The following KIFAP3 variants were observed in gnomAD, a reference collection of about 807,000 sequenced individuals.
KIFAP3 encodes kinesin associated protein 3.
Under a neutral mutation model 106.5 loss-of-function variants are expected in KIFAP3, and 68 were observed. That is an observed-to-expected ratio of 0.64 (90% confidence interval 0.53 to 0.78). The LOEUF is 0.78. Ranked by LOEUF, KIFAP3 falls within the 30% of genes least tolerant of loss-of-function variation. KIFAP3 has a pLI of 0.00. For missense variants in KIFAP3, 780 were observed against 941.8 expected, an observed-to-expected ratio of 0.83 and a Z score of 2.25; for synonymous variants, 320 against 311.5, an observed-to-expected ratio of 1.03 and a Z score of -0.29.
chr1:169,989,714 G>A (rs560249724), intron 11 of KIFAP3, among the ~76,000 whole-genome samples: 68 of 152,046 alleles, frequency 4.5e-4, no homozygotes, highest in African/African-American at 1.4e-3. Context: ...ATAAACAAGC[G>A]TAATTAGTTT....
chr1:170,061,934 G>A (rs1468543256), intron 1 of KIFAP3, among the ~76,000 whole-genome samples: 1 of 152,094 alleles, frequency 6.6e-6, no homozygotes, highest in African/African-American at 2.4e-5. Flanking sequence ...AATACCGCAT[G>A]TTCTCACTCA....
chr1:170,074,938 A>G (rs1335627137), upstream of KIFAP3, among the ~76,000 whole-genome samples: 3 of 152,242 alleles, frequency 2.0e-5, no homozygotes, highest in African/African-American at 7.2e-5. Flanking sequence ...TTAGTTAGCG[A>G]ATGCTATACA....
At chr1:170,004,071 CAG>C (rs1667810299) in intron 10 of KIFAP3, among the ~76,000 whole-genome samples, 1 of 152,274 alleles carries the variant, frequency 6.6e-6, no homozygotes, top group African/African-American at 2.4e-5. Context: ...CAATAACAGA[CAG>C]AGAGCCAAAT....
At chr1:170,053,583 A>C (rs1016657008) in intron 2 of KIFAP3, among the ~76,000 whole-genome samples, 2 of 152,178 alleles carry the variant, frequency 1.3e-5, no homozygotes, top group Non-Finnish European at 2.9e-5. Context: ...ATGCTACCTG[A>C]CTTCAAACTA....
intron 10 of KIFAP3, among the ~76,000 whole-genome samples, chr1:170,004,687 A>G (rs2101969981): frequency 6.6e-6 from 1 of 151,944 alleles, no homozygotes; most frequent in African/African-American, 2.4e-5. Context: ...CCTTCCTTAC[A>G]CCTTATACAA....
chr1:170,020,572 C>T (rs1031813218), intron 9 of KIFAP3, among the ~76,000 whole-genome samples: 30 of 152,114 alleles, frequency 2.0e-4, no homozygotes, highest in Non-Finnish European at 3.8e-4. Context: ...CTCAGCCTCC[C>T]GAGTAGCTGG....
At chr1:170,000,905 T>G (rs1667632163) in intron 10 of KIFAP3, among the ~76,000 whole-genome samples, 1 of 152,152 alleles carries the variant, frequency 6.6e-6, no homozygotes, top group Non-Finnish European at 1.5e-5. Context: ...CAATAGTTTC[T>G]GAGGTACAGT....
chr1:170,004,619 T>G (rs1010180207), intron 10 of KIFAP3, among the ~76,000 whole-genome samples: 2 of 152,154 alleles, frequency 1.3e-5, no homozygotes, highest in African/African-American at 4.8e-5. Flanking sequence ...GGATTCCCTA[T>G]TTAATAAATG....
intron 19 of KIFAP3, among the ~76,000 whole-genome samples, chr1:169,926,990 G>T (rs977658513): frequency 6.6e-6 from 1 of 151,970 alleles, no homozygotes; most frequent in Admixed American, 6.6e-5. Flanking sequence ...ATAATTTTTT[G>T]GAATAGTTCA....
At chr1:170,046,682 C>A in intron 3 of KIFAP3, 30 bp downstream of exon 3, 1 of 1,431,970 alleles carries the variant, frequency 7.0e-7, no homozygotes, top group Non-Finnish European at 9.3e-7. Context: ...TTTGGATTTG[C>A]ATTAGGAAGC....
chr1:169,934,793 C>T (rs1315832795), intron 19 of KIFAP3, among the ~76,000 whole-genome samples: 2 of 151,864 alleles, frequency 1.3e-5, no homozygotes, highest in Admixed American at 1.3e-4. Context: ...TTTGTTATTT[C>T]AAGTATGCAG....
At chr1:170,049,356 T>G (rs1166723564) in intron 2 of KIFAP3, among the ~76,000 whole-genome samples, 2 of 152,154 alleles carry the variant, frequency 1.3e-5, no homozygotes, top group Non-Finnish European at 2.9e-5. Context: ...CTCCCTGGGA[T>G]AGAGAACCTG....
At chr1:170,008,191 T>C (rs1412086278) in intron 10 of KIFAP3, among the ~76,000 whole-genome samples, 1 of 151,518 alleles carries the variant, frequency 6.6e-6, no homozygotes, top group Non-Finnish European at 1.5e-5. Flanking sequence ...GGCAATACCG[T>C]TCAGGACATA....
chr1:169,945,127 G>A (rs1664365231), intron 19 of KIFAP3, among the ~76,000 whole-genome samples: 1 of 105,302 alleles, frequency 9.5e-6, no homozygotes, highest in African/African-American at 4.0e-5. Context: ...GCTTCAGAGG[G>A]GGCTGAGGCA....
chr1:169,932,213 CCAAAAGGAAAATG>C (rs1478892404), intron 19 of KIFAP3, among the ~76,000 whole-genome samples: 2 of 151,984 alleles, frequency 1.3e-5, no homozygotes, highest in African/African-American at 4.8e-5. Flanking sequence ...AAAGCACATG[CCAAAAGGAAAATG>C]TTTCTGATGT....
intron 1 of KIFAP3, chr1:170,067,397 T>A (rs925684689): frequency 6.6e-6 from 1 of 152,224 alleles, no homozygotes; most frequent in African/African-American, 2.4e-5. Flanking sequence ...ATCAACCTCA[T>A]CAGAACTCTG....
chr1:170,055,461 T>C (rs1670792905), intron 1 of KIFAP3, 25 bp from the exon 2 acceptor site: 3 of 1,530,156 alleles, frequency 2.0e-6, no homozygotes, highest in South Asian at 2.5e-5. Flanking sequence ...TGAAATGATA[T>C]AACCAGATTA....
At chr1:169,993,010 C>T (rs1269003897) in intron 10 of KIFAP3, among the ~76,000 whole-genome samples, 1 of 151,732 alleles carries the variant, frequency 6.6e-6, no homozygotes, top group Admixed American at 6.6e-5. Flanking sequence ...AAACAATATC[C>T]TTTTTGAAAA....
chr1:170,064,372 G>C (rs751064495), intron 1 of KIFAP3, among the ~76,000 whole-genome samples: 2 of 152,062 alleles, frequency 1.3e-5, no homozygotes, highest in Non-Finnish European at 2.9e-5. Flanking sequence ...TTTATTTTTT[G>C]AGAAAGGGTC....
Sources: allele counts gnomAD v4.1 joint callset (sites outside exome capture counted in the v4.1 genomes callset), GRCh38; gene constraint gnomAD v4.1.1; transcripts MANE v1.5; gene names NCBI Gene and HGNC (gene_info 2026-07-23, HGNC 2026-07-21).